SNX29: variants seen among roughly 807,000 people sequenced by gnomAD.
SNX29 encodes the protein sorting nexin-29.
A neutral mutation model predicts 102.1 loss-of-function variants in SNX29; 78 were observed. That is an observed-to-expected ratio of 0.76 (90% CI 0.64 to 0.92). SNX29 has a LOEUF of 0.92. Among genes scored for constraint, SNX29 ranks in the 40% least tolerant of loss-of-function variants. SNX29 has a pLI of 0.00. For missense variants in SNX29, 1,280 were observed against 1,061.7 expected (o/e 1.21, Z -2.86); for synonymous variants, 580 against 414.5 (o/e 1.40, Z -4.85).
chr16:12,565,841 C>G (rs1013330312), intron 20 of SNX29, among the ~76,000 whole-genome samples: 10 of 152,218 alleles, frequency 6.6e-5, no homozygotes, highest in Non-Finnish European at 1.2e-4. Flanking sequence ...CACACCTCTG[C>G]CTCCTCCGGG....
intron 20 of SNX29, among the ~76,000 whole-genome samples, chr16:12,558,120 C>T (rs769212001): frequency 3.3e-5 from 5 of 152,196 alleles, no homozygotes; most frequent in Non-Finnish European, 5.9e-5. Flanking sequence ...ATTAGAAGAC[C>T]AGCAGCATTC....
chr16:12,518,718 G>C (rs1405335176), intron 19 of SNX29, among the ~76,000 whole-genome samples: 2 of 152,210 alleles, frequency 1.3e-5, no homozygotes, highest in Non-Finnish European at 2.9e-5. Flanking sequence ...ATCAGCACCT[G>C]TCACAGGCCT....
At chr16:12,482,670 A>G (rs895374200) in intron 19 of SNX29, among the ~76,000 whole-genome samples, 2 of 152,206 alleles carry the variant, frequency 1.3e-5, no homozygotes, top group African/African-American at 4.8e-5. Flanking sequence ...TCACTGCAGA[A>G]TCCATAGACC....
chr16:12,562,245 G>A (rs184997299), intron 20 of SNX29, among the ~76,000 whole-genome samples: 112 of 152,184 alleles, frequency 7.4e-4, no homozygotes, highest in African/African-American at 2.6e-3. Context: ...GAAGGGCGAG[G>A]GCATTCACTA....
At position 12,121,724 on chromosome 16, in the gene SNX29, C is replaced by T. The variant is rs115967168; in HGVS notation, c.1403-4909C>T. 3.1e-3 allele frequency among the ~76,000 whole-genome samples: 474 copies of T among 152,298 alleles called. 3 individuals carry two copies. Among genetic ancestry groups the T allele is most frequent in the African/African-American group, 0.011 (437 of 41,554 alleles). ...TCTCTGTCCAGGCCTCTGTACATGG[C>T]GACAGAGGAGCCTCCAGCCAGGGGT... On this transcript the variant is annotated intron_variant, in intron 11 of 20. Transcript: ENST00000566228.
At position 12,097,271 on chromosome 16, in the gene SNX29, C is replaced by G. The variant is rs141951547; in HGVS notation, c.1402+18356C>G. On this transcript the variant is annotated intron_variant, in intron 11 of 20. Coordinates refer to ENST00000566228, the MANE Select transcript of SNX29 (RefSeq NM_032167.5). ...ACGGGAGTGCTTAGCGGTAGATAAA[C>G]CTAGCCAGCATCACACAGCCAGTGG... 1.2e-4 allele frequency among the ~76,000 whole-genome samples: 18 copies of G among 152,338 alleles called. No homozygotes were observed. In the East Asian group the frequency reaches 3.5e-3, roughly 29 times the overall value.
intron 14 of SNX29, among the ~76,000 whole-genome samples, chr16:12,211,145 C>G (rs1349840990): frequency 6.6e-6 from 1 of 152,152 alleles, no homozygotes; most frequent in Non-Finnish European, 1.5e-5. Context: ...GGCACCGTTT[C>G]ATTCATTCAG....
chr16:11,992,548 C>T (rs80160010), intron 1 of SNX29, among the ~76,000 whole-genome samples: 1,614 of 151,422 alleles, frequency 0.011, 35 homozygotes, highest in African/African-American at 0.037. Flanking sequence ...TTCTGTCCTT[C>T]CCAGTTTTGC....
intron 16 of SNX29, among the ~76,000 whole-genome samples, chr16:12,389,565 C>T (rs2151462046): frequency 6.6e-6 from 1 of 152,222 alleles, no homozygotes; most frequent in Admixed American, 6.5e-5. Context: ...AACCTCTTTC[C>T]TTTATAATTA....
intron 13 of SNX29, among the ~76,000 whole-genome samples, chr16:12,177,809 G>C (rs1350412643): frequency 6.6e-6 from 1 of 152,192 alleles, no homozygotes; most frequent in Non-Finnish European, 1.5e-5. Flanking sequence ...AATGCCTGCT[G>C]TGGGCGGGGT....
chr16:12,402,581 G>A (rs1229028999), intron 17 of SNX29, among the ~76,000 whole-genome samples: 1 of 152,188 alleles, frequency 6.6e-6, no homozygotes. Context: ...GGATCCAGCC[G>A]GGTACAAATG....
At chr16:12,430,790 A>T (rs1375734966) in intron 18 of SNX29, among the ~76,000 whole-genome samples, 1 of 151,522 alleles carries the variant, frequency 6.6e-6, no homozygotes, top group African/African-American at 2.4e-5. Context: ...GAGACACCTT[A>T]GTCCACTTGT....
At chr16:12,519,462 C>T (rs2090008937) in intron 19 of SNX29, among the ~76,000 whole-genome samples, 2 of 152,172 alleles carry the variant, frequency 1.3e-5, no homozygotes, top group African/African-American at 4.8e-5. Flanking sequence ...ACCAATGACT[C>T]ATCATTAATT....
intron 14 of SNX29, among the ~76,000 whole-genome samples, chr16:12,241,496 G>A (rs2078103793): frequency 1.3e-5 from 2 of 151,598 alleles, no homozygotes; most frequent in African/African-American, 2.4e-5. Context: ...GTCTCTCTCT[G>A]TTGCCCAGGC....
chr16:12,535,757 G>C (rs1182536958), intron 20 of SNX29, among the ~76,000 whole-genome samples: 2 of 151,886 alleles, frequency 1.3e-5, no homozygotes, highest in African/African-American at 4.8e-5. Context: ...TTCCACCACT[G>C]TGTGTCTCCT....
At chr16:12,086,903 A>G (rs562401098) in intron 11 of SNX29, 1 of 152,290 alleles carries the variant, frequency 6.6e-6, no homozygotes, top group Admixed American at 6.5e-5. Context: ...AACATTGTGA[A>G]CCAGAGTAAT....
intron 13 of SNX29, among the ~76,000 whole-genome samples, chr16:12,193,119 G>A (rs543357045): frequency 6.6e-6 from 1 of 152,190 alleles, no homozygotes; most frequent in African/African-American, 2.4e-5. Context: ...ACAGGAATGT[G>A]CCACTGCGCC....
chr16:12,267,717 C>T (rs183043337), intron 14 of SNX29, among the ~76,000 whole-genome samples: 18 of 152,286 alleles, frequency 1.2e-4, no homozygotes, highest in Admixed American at 8.5e-4. Context: ...CGCAATGGAA[C>T]GGCAAGTTAT....
chr16:12,111,716 T>A (rs980270283), intron 11 of SNX29, among the ~76,000 whole-genome samples: 19 of 152,128 alleles, frequency 1.2e-4, no homozygotes, highest in Non-Finnish European at 4.4e-5. Context: ...GGGTAGCAGG[T>A]GGCAGGAGGC....
Sources: allele counts gnomAD v4.1 joint callset (sites outside exome capture counted in the v4.1 genomes callset), GRCh38; gene constraint gnomAD v4.1.1; transcripts MANE v1.5; gene names NCBI Gene and HGNC (gene_info 2026-07-23, HGNC 2026-07-21).